The following MAD1L1 variants were observed in gnomAD, a reference collection of about 807,000 sequenced individuals.
MAD1L1 encodes the protein mitotic arrest deficient 1 like 1.
Under a neutral mutation model 96.9 loss-of-function variants are expected in MAD1L1, and 95 were observed. The observed-to-expected ratio is 0.98, with a 90% confidence interval of 0.83 to 1.16. The LOEUF (loss-of-function observed/expected upper bound fraction) is 1.16, where lower values mean the gene tolerates loss of function less well. Among genes scored for constraint, MAD1L1 ranks in the 50% most tolerant of loss-of-function variants. The pLI is 0.00. For synonymous variants in MAD1L1, 473 were observed against 396.6 expected (o/e 1.19, Z -2.29); for missense variants, 1,007 against 954.4 (o/e 1.06, Z -0.73).
chr7:1,940,466 G>C (rs2128466053), intron 16 of MAD1L1: 1 of 152,394 alleles, frequency 6.6e-6, no homozygotes, highest in Middle Eastern at 3.4e-3. Context: ...GCACTCAGGA[G>C]ACCCCTCTGA....
chr7:2,087,851 G>A (rs763879301), intron 11 of MAD1L1, among the ~76,000 whole-genome samples: 8 of 152,204 alleles, frequency 5.3e-5, no homozygotes, highest in East Asian at 1.9e-4. Context: ...ATGGAACACC[G>A]TAGGCGCCCC....
intron 16 of MAD1L1, among the ~76,000 whole-genome samples, chr7:1,950,421 G>A (rs775710933): frequency 9.2e-5 from 14 of 152,236 alleles, no homozygotes; most frequent in Non-Finnish European, 1.9e-4. Context: ...ATCAGCAGAT[G>A]AAGGACTCTC....
chr7:2,111,246 G>T (rs1008974500), intron 11 of MAD1L1, among the ~76,000 whole-genome samples: 2 of 152,184 alleles, frequency 1.3e-5, no homozygotes, highest in Non-Finnish European at 2.9e-5. Flanking sequence ...AAGACTAGAG[G>T]GGCTCGGGAA....
At chr7:1,873,321 C>T (rs772873229) in intron 18 of MAD1L1, among the ~76,000 whole-genome samples, 22 of 152,252 alleles carry the variant, frequency 1.4e-4, no homozygotes, top group African/African-American at 2.2e-4. Flanking sequence ...GGCTAGAGAG[C>T]GCCAGCCCTA....
chr7:2,066,573 C>T, intron 12 of MAD1L1, among the ~76,000 whole-genome samples: 1 of 152,228 alleles, frequency 6.6e-6, no homozygotes, highest in East Asian at 1.9e-4. Context: ...AGAGGCTCTC[C>T]ACCTGCAAAG....
chr7:2,101,943 G>A lies in MAD1L1; in HGVS notation c.1074-32605C>T, dbSNP rs527612519. Among the ~76,000 whole-genome samples, 5 of 152,310 alleles carry A rather than the reference G, an allele frequency of 3.3e-5. No homozygotes were observed. The East Asian group carries it at 7.7e-4, about 24-fold the overall frequency. ...TGCACACAGGGGGCTCTGCAGCTGG[G>A]AAGACCCTGACTGGAGGTCTGAATC... On this transcript the variant is annotated intron_variant, in intron 11 of 18. Transcript: ENST00000265854.
intron 11 of MAD1L1, among the ~76,000 whole-genome samples, chr7:2,129,663 AAGAC>A (rs1788417172): frequency 1.3e-5 from 2 of 152,222 alleles, no homozygotes; most frequent in Admixed American, 6.5e-5. Flanking sequence ...GCAAGGTGGC[AAGAC>A]AGACACAGCT....
At chr7:2,221,494 A>G (rs894896433) in intron 5 of MAD1L1, among the ~76,000 whole-genome samples, 1 of 45,492 alleles carries the variant, frequency 2.2e-5, no homozygotes, top group Non-Finnish European at 4.5e-5. Context: ...CTGCACGCCC[A>G]CCCCACCCCT....
At chr7:2,012,727 G>A (rs1049439465) in intron 13 of MAD1L1, among the ~76,000 whole-genome samples, 1 of 152,200 alleles carries the variant, frequency 6.6e-6, no homozygotes, top group African/African-American at 2.4e-5. Flanking sequence ...ACCCATAGGT[G>A]GGGACACGGC....
intron 11 of MAD1L1, among the ~76,000 whole-genome samples, chr7:2,084,475 G>A (rs1006735084): frequency 6.6e-5 from 10 of 152,256 alleles, no homozygotes; most frequent in African/African-American, 9.6e-5. Flanking sequence ...TGCCGGGGAC[G>A]AGGGAGCAGG....
At chr7:1,935,580 C>T (rs573657815) in intron 17 of MAD1L1, among the ~76,000 whole-genome samples, 112 of 152,270 alleles carry the variant, frequency 7.4e-4, no homozygotes, top group Non-Finnish European at 1.5e-3. Flanking sequence ...CACAAAGGAG[C>T]GGGGCAGAGG....
intron 18 of MAD1L1, chr7:1,846,411 A>T (rs2128636774): frequency 6.5e-6 from 1 of 152,890 alleles, no homozygotes; most frequent in South Asian, 2.1e-4. Flanking sequence ...AAACACCAGC[A>T]GGATGGATGA....
intron 11 of MAD1L1, among the ~76,000 whole-genome samples, chr7:2,072,467 AAGC>A (rs1385327435): frequency 2.0e-5 from 3 of 152,164 alleles, no homozygotes; most frequent in African/African-American, 7.2e-5. Flanking sequence ...ACAAAATAAA[AAGC>A]AGGCACAAAG....
At chr7:2,184,723 C>T (rs1315739265) in intron 10 of MAD1L1, among the ~76,000 whole-genome samples, 3 of 152,132 alleles carry the variant, frequency 2.0e-5, no homozygotes, top group South Asian at 2.1e-4. Flanking sequence ...ACCACTGGGC[C>T]GGGTGCGGTG....
At chr7:2,149,075 G>T (rs1789445223) in intron 11 of MAD1L1, 77 bp downstream of exon 11, 1 of 1,305,550 alleles carries the variant, frequency 7.7e-7, no homozygotes, top group South Asian at 1.2e-5. Flanking sequence ...CAAGAGCCAG[G>T]GGGCACACAC....
chr7:1,884,149 G>A (rs1286202202), intron 18 of MAD1L1, among the ~76,000 whole-genome samples: 7 of 152,236 alleles, frequency 4.6e-5, no homozygotes, highest in Non-Finnish European at 1.0e-4. Flanking sequence ...CTCCACTTGG[G>A]GCAGGGCCAG....
chr7:1,879,384 G>A lies in MAD1L1; in HGVS notation c.1998+18816C>T, dbSNP rs561202199. 1.7e-4 allele frequency among the ~76,000 whole-genome samples: 26 copies of A among 151,270 alleles called. No homozygotes were observed. In the South Asian group the frequency reaches 5.4e-3, roughly 32 times the overall value. On this transcript the variant is annotated intron_variant, in intron 18 of 18. Coordinates refer to ENST00000265854, the MANE Select transcript of MAD1L1 (RefSeq NM_001013836.2). ...GCAGGAGAATCGCTTGAACCTGGCA[G>A]GCAGAGGTTGCAGTGAGCCGAGATC...
chr7:2,011,066 G>A (rs1462856170), intron 13 of MAD1L1, among the ~76,000 whole-genome samples: 1 of 152,210 alleles, frequency 6.6e-6, no homozygotes, highest in Non-Finnish European at 1.5e-5. Context: ...GGGAGGCAGG[G>A]GGTTCGGGGG....
chr7:1,870,568 C>T (rs954045174), intron 18 of MAD1L1, among the ~76,000 whole-genome samples: 227 of 126,650 alleles, frequency 1.8e-3, no homozygotes, highest in Middle Eastern at 5.5e-3. Flanking sequence ...ACGCTGAACC[C>T]AACATACGCC....
Sources: gnomAD v4.1 joint callset for allele counts (sites outside exome capture counted in the v4.1 genomes callset) on GRCh38, gnomAD v4.1.1 for gene constraint, MANE v1.5 for transcripts, NCBI Gene and HGNC (gene_info 2026-07-23, HGNC 2026-07-21) for gene names.